The following SBNO1 variants were observed in gnomAD, a reference collection of about 807,000 sequenced individuals.
The protein encoded by SBNO1 is protein strawberry notch homolog 1.
In SBNO1, 23 loss-of-function variants were observed where a neutral mutation model predicts 173.6. That is an observed-to-expected ratio of 0.13 (90% confidence interval 0.10 to 0.19). SBNO1 has a LOEUF of 0.19. Among genes scored for constraint, SBNO1 ranks in the 10% least tolerant of loss-of-function variants. The pLI is 1.00. For synonymous variants in SBNO1, 632 were observed against 571.5 expected, an observed-to-expected ratio of 1.11 and a Z score of -1.51; for missense variants, 1,238 against 1,671.2, an observed-to-expected ratio of 0.74 and a Z score of 4.52.
chr12:123,310,843 A>C (rs1214520380), intron 25 of SBNO1, among the ~76,000 whole-genome samples: 1 of 152,096 alleles, frequency 6.6e-6, no homozygotes, highest in Admixed American at 6.6e-5. Context: ...GACTTCAGTA[A>C]TTTTTAAAAG....
rs554165547 is a variant in SBNO1 at position 123,356,529 on chromosome 12, C to A, written c.1-6088G>T. 2.6e-5 allele frequency among the ~76,000 whole-genome samples: 4 copies of A among 152,216 alleles called. No homozygotes were observed. The South Asian group carries it at 8.3e-4, about 32-fold the overall frequency. ...CAGCTCACTGCAACCTTGAATCCGC[C>A]CCCCTGGGTTCAAGCGATTCTCCTG... On this transcript the variant is annotated intron_variant, in intron 1 of 31. Transcript: ENST00000602398.
In SBNO1 at chr12:123,308,487, G is replaced by A. The variant is rs377244952; in HGVS notation, c.3630+823C>T. ...AGATCGAGACCATCTTGGCTAACAC[G>A]GTGAAACCCTGTCTCTACTAAAAAT... On this transcript the variant is annotated intron_variant, in intron 28 of 31. Transcript: ENST00000602398. 8.6e-5 allele frequency among the ~76,000 whole-genome samples: 13 copies of A among 151,770 alleles called. No individual in the cohort carries two copies. The East Asian group carries it at 2.0e-3, about 23-fold the overall frequency.
In SBNO1 at chr12:123,334,203, G is replaced by A; in HGVS notation, c.759C>T (p.Gly253=). The change falls in exon 7 of 32, where the codon GGC becomes GGT. Residue 253 remains glycine, a synonymous_variant. Coordinates refer to ENST00000602398, the MANE Select transcript of SBNO1 (RefSeq NM_001167856.3). ...AEYMPIKLKI[G]LRHPDAVVET... is the part of the protein sequence containing the mutation. ...CCACTACAGCATCTGGATGACGTAG[G>A]CCAATTTTTACTAAACAAAAATGTA... 1 of 1,563,656 alleles carries A rather than the reference G, an allele frequency of 6.4e-7. No homozygotes were observed. Among genetic ancestry groups the A allele is most frequent in the Non-Finnish European group, 8.6e-7 (1 of 1,159,896 alleles).
At position 123,364,736 on chromosome 12, in the gene SBNO1, C is replaced by T. The variant is rs984711206; in HGVS notation, c.-36G>A. 3.4e-5 allele frequency: 34 copies of T among 987,598 alleles called. No individual in the cohort carries two copies. Among genetic ancestry groups the T allele is most frequent in the Non-Finnish European group, 4.1e-5 (34 of 831,256 alleles). 61.2% of individuals were successfully genotyped at this position (987,598 alleles called of 1,614,324 possible). On this transcript the variant is annotated 5_prime_UTR_variant, in exon 1 of 32. Coordinates refer to ENST00000602398, the MANE Select transcript of SBNO1 (RefSeq NM_001167856.3). Reference sequence around the variant, plus strand: ...GGACCCGGCGCCAGCACAGCTCCTCCCGGGAGGTGTGAGTTTGAAGGACCA... The same window carrying T: ...GGACCCGGCGCCAGCACAGCTCCTCTCGGGAGGTGTGAGTTTGAAGGACCA...
intron 1 of SBNO1, among the ~76,000 whole-genome samples, chr12:123,361,473 G>A (rs936762129): frequency 2.0e-5 from 3 of 151,524 alleles, no homozygotes; most frequent in Non-Finnish European, 2.9e-5. Flanking sequence ...ACTTGAACCC[G>A]GGAGGGGGAG....
intron 30 of SBNO1, among the ~76,000 whole-genome samples, chr12:123,301,189 G>A (rs2048780535): frequency 6.6e-6 from 1 of 151,858 alleles, no homozygotes; most frequent in African/African-American, 2.4e-5. Context: ...TTTATTTTTA[G>A]TAGAGACGTG....
At chr12:123,311,739 TATATATATA>T (rs1356535290) in intron 24 of SBNO1, among the ~76,000 whole-genome samples, 6 of 137,238 alleles carry the variant, frequency 4.4e-5, no homozygotes, top group Non-Finnish European at 8.0e-5. Context: ...TATATATATA[TATATATATA>T]TTTTTGCGAC....
intron 24 of SBNO1, among the ~76,000 whole-genome samples, chr12:123,313,201 AAAATAAAT>A (rs370130754): frequency 0.11 from 15,433 of 138,258 alleles, 1,071 homozygotes; most frequent in African/African-American, 0.17. Flanking sequence ...ACTCGGTCTT[AAAATAAAT>A]AAATAAATAA....
chr12:123,346,228 C>G (rs1323942313), intron 3 of SBNO1, among the ~76,000 whole-genome samples: 1 of 152,172 alleles, frequency 6.6e-6, no homozygotes, highest in East Asian at 1.9e-4. Context: ...GGCAAAATAG[C>G]AAGACCCCTC....
chr12:123,315,338 A>C, intron 23 of SBNO1, 35 bp downstream of exon 23: 2 of 1,511,412 alleles, frequency 1.3e-6, no homozygotes, highest in South Asian at 2.2e-5. Flanking sequence ...ATACACTATC[A>C]CAAGTTTTCA....
intron 1 of SBNO1, chr12:123,363,737 C>A (rs1331567167): frequency 8.1e-6 from 4 of 494,128 alleles, no homozygotes; most frequent in African/African-American, 4.2e-5. Context: ...AAAACAAAAG[C>A]CTCCCACAGT....
intron 28 of SBNO1, among the ~76,000 whole-genome samples, chr12:123,307,872 G>T (rs1426329595): frequency 6.6e-6 from 1 of 152,182 alleles, no homozygotes; most frequent in African/African-American, 2.4e-5. Context: ...AGGAGATCGA[G>T]GCCATCCTGG....
rs1196774881 is a variant in SBNO1, at chr12:123,321,702, GCTT to G, written c.2153_2155del (p.Lys718_Ala719delinsThr). The G allele has an allele frequency of 3.7e-6, 6 of 1,613,880 alleles. No homozygotes were observed. Among genetic ancestry groups the G allele is most frequent in the African/African-American group, 1.3e-5 (1 of 74,878 alleles). On this transcript the variant is annotated inframe_deletion, in exon 17 of 32. Transcript: ENST00000602398. ...ACCAGTAAGGCCACCTACTTTTCGT[GCTT>G]TTTTGGCTTCTCGAGTTATTTCTTC...
intron 3 of SBNO1, among the ~76,000 whole-genome samples, chr12:123,347,223 C>CTTT (rs1285044544): frequency 6.6e-6 from 1 of 151,664 alleles, no homozygotes; most frequent in African/African-American, 2.4e-5. Flanking sequence ...ATTAATTATG[C>CTTT]TTTTTTGTTG....
intron 19 of SBNO1, 80 bp downstream of exon 19, chr12:123,320,352 T>C (rs760721522): frequency 4.2e-5 from 54 of 1,274,138 alleles, no homozygotes; most frequent in Non-Finnish European, 5.8e-5. Flanking sequence ...TAGATTATTA[T>C]GTGAAGACAG....
Position 123,346,047 on chromosome 12 carries a change from TA to T in SBNO1, c.238-478del, listed in dbSNP as rs534063572. Among the ~76,000 whole-genome samples, 385 of 152,312 alleles carry T rather than the reference TA, an allele frequency of 2.5e-3. 2 individuals are homozygous for T. Among genetic ancestry groups the T allele is most frequent in the Non-Finnish European group, 1.4e-3 (96 of 68,034 alleles). ...GGACAACTTTGACGAAAAGAAGGTATAGTTGTAATATAACCCTTTCTATAAC... is the reference window on the plus strand; with the variant it reads ...GGACAACTTTGACGAAAAGAAGGTATGTTGTAATATAACCCTTTCTATAAC... On this transcript the variant is annotated intron_variant, in intron 3 of 31. Coordinates refer to ENST00000602398, the MANE Select transcript of SBNO1 (RefSeq NM_001167856.3).
At chr12:123,313,480 T>C (rs78484018) in intron 24 of SBNO1, 140 bp downstream of exon 24, 3 of 550,236 alleles carry the variant, frequency 5.5e-6, no homozygotes, top group Non-Finnish European at 9.7e-6. Context: ...TAATTATGTG[T>C]CCTAGTAACC....
At chr12:123,349,039 C>CA (rs1309497881) in intron 2 of SBNO1, 4 of 141,284 alleles carry the variant, frequency 2.8e-5, no homozygotes, top group Non-Finnish European at 6.0e-5. Context: ...AGAGGAGAAA[C>CA]AAAGAAATCT....
At chr12:123,311,700 C>CTATATATATATA (rs1868534760) in intron 24 of SBNO1, among the ~76,000 whole-genome samples, 1 of 58,404 alleles carries the variant, frequency 1.7e-5, no homozygotes, top group African/African-American at 6.3e-5. Flanking sequence ...ACCTATCTAT[C>CTATATATATATA]TATCTATCTA....
Sources: allele counts gnomAD v4.1 joint callset (sites outside exome capture counted in the v4.1 genomes callset), GRCh38; gene constraint gnomAD v4.1.1; transcripts MANE v1.5; gene names NCBI Gene and HGNC (gene_info 2026-07-23, HGNC 2026-07-21).